Variants in ROCK1 observed in about 807,000 individuals in gnomAD.
ROCK1 encodes rho-associated protein kinase 1.
Under a neutral mutation model 196.8 loss-of-function variants are expected in ROCK1, and 36 were observed. The ratio of observed to expected loss-of-function variants is 0.18; its 90% confidence interval spans 0.14 to 0.24. ROCK1 has a LOEUF of 0.24. Ranked by LOEUF, ROCK1 falls within the 10% of genes least tolerant of loss-of-function variation. The pLI is 1.00. For synonymous variants in ROCK1, 443 were observed against 515.9 expected, an observed-to-expected ratio of 0.86 and a Z score of 1.91; for missense variants, 920 against 1,562.0, an observed-to-expected ratio of 0.59 and a Z score of 6.93.
chr18:20,980,023 G>C lies in ROCK1; in HGVS notation c.2560-19C>G, dbSNP rs112005764. On this transcript the variant is annotated intron_variant, in intron 21 of 32. Coordinates refer to ENST00000399799, the MANE Select transcript of ROCK1 (RefSeq NM_005406.3). The stretch of plus-strand genomic sequence containing the variant: ...AAAGTGTCTGCAAAACAAGTGACAA[G>C]GAGAAATAAGTGTTTATGGTGGGTT... The C allele has an allele frequency of 3.2e-4, 484 of 1,518,462 alleles. 1 individual carries two copies. In the African/African-American group the frequency reaches 6.2e-3, roughly 20 times the overall value. The allele number at this position is 1,518,462 out of a possible 1,614,324, so 94.1% of individuals were successfully genotyped here.
Position 21,042,552 on chromosome 18 carries a change from C to A in ROCK1, c.820+13G>T, listed in dbSNP as rs372649277. On this transcript the variant is annotated intron_variant, in intron 7 of 32. Coordinates refer to ENST00000399799, the MANE Select transcript of ROCK1 (RefSeq NM_005406.3). ...CAACTGTAATAGAGAGACATAAAAT[C>A]TTCCTTACTCACCTACAAGCATTTC... is the stretch of plus-strand genomic sequence containing the variant. 6.2e-6 allele frequency: 10 copies of A among 1,612,318 alleles called. No homozygotes were observed. The African/African-American group carries it at 1.3e-4, about 22-fold the overall frequency.
Position 20,959,131 on chromosome 18 carries a change from T to TATATAATATATATA in ROCK1, c.3512+708_3512+709insTATATATATTATAT, listed in dbSNP as rs2035296252. ...TATATATATTATATAATATATATAT[T>TATATAATATATATA]ATATATATTATATAAAATATATATA... On this transcript the variant is annotated intron_variant, in intron 29 of 32. Transcript: ENST00000399799. 6.0e-5 allele frequency among the ~76,000 whole-genome samples: 3 copies of TATATAATATATATA among 50,186 alleles called. No individual in the cohort carries two copies. The Admixed American group carries it at 1.2e-3, about 20-fold the overall frequency. 32.9% of individuals were successfully genotyped at this position (50,186 alleles called of 152,430 possible).
intron 2 of ROCK1, among the ~76,000 whole-genome samples, chr18:21,056,215 T>C (rs1212243682): frequency 1.3e-5 from 2 of 152,202 alleles, no homozygotes; most frequent in African/African-American, 4.8e-5. Flanking sequence ...AACTTCCAAA[T>C]TTTTATCTCT....
chr18:20,986,269 CT>C (rs754163676), intron 19 of ROCK1, among the ~76,000 whole-genome samples: 20 of 152,150 alleles, frequency 1.3e-4, no homozygotes, highest in Non-Finnish European at 1.2e-4. Flanking sequence ...TATCAAGTTC[CT>C]TTTTATGCCT....
Position 20,966,958 on chromosome 18 carries a change from G to C in ROCK1, c.3311C>G (p.Ala1104Gly). The C allele has an allele frequency of 6.2e-7, 1 of 1,613,626 alleles. No individual in the cohort carries two copies. ...AGTTTCATCAGCACTAGGAAAACTA[G>C]CAACACTTGTAGAATCCGAGAGGTC... ...LLDLSDSTSV[A>G]SFPSADETDG... The change falls in exon 27 of 33, where the codon GCT becomes GGT. Residue 1104 changes from alanine to glycine, a missense_variant. By Grantham distance (60) the Ala-to-Gly change is moderately conservative (BLOSUM62 0). This residue lies in a region of ROCK1 where 116 missense variants were observed against 204.2 expected (regional missense o/e 0.57). Coordinates refer to ENST00000399799, the MANE Select transcript of ROCK1 (RefSeq NM_005406.3).
intron 4 of ROCK1, 79 bp downstream of exon 4, chr18:21,049,013 C>T: frequency 7.6e-7 from 1 of 1,312,786 alleles, no homozygotes; most frequent in Non-Finnish European, 1.0e-6. Context: ...TACTACTATT[C>T]TAAAACACAA....
At chr18:21,101,093 A>C (rs1199122787) in intron 1 of ROCK1, among the ~76,000 whole-genome samples, 2 of 152,230 alleles carry the variant, frequency 1.3e-5, no homozygotes, top group African/African-American at 2.4e-5. Context: ...GAAAAGATTG[A>C]AGTATTCATC....
chr18:20,978,208 A>G (rs1315513702), intron 22 of ROCK1, among the ~76,000 whole-genome samples: 1 of 152,070 alleles, frequency 6.6e-6, no homozygotes, highest in East Asian at 1.9e-4. Flanking sequence ...TTCCAACAAA[A>G]AAAAAAAAAA....
intron 9 of ROCK1, among the ~76,000 whole-genome samples, chr18:21,033,983 G>A (rs373584383): frequency 9.3e-5 from 13 of 140,390 alleles, no homozygotes; most frequent in South Asian, 2.3e-4. Flanking sequence ...GCCGTGAGCC[G>A]AGATCGAGCC....
At chr18:21,006,309 T>C in intron 16 of ROCK1, 42 bp downstream of exon 16, 2 of 1,481,384 alleles carry the variant, frequency 1.4e-6, no homozygotes, top group East Asian at 2.3e-5. Flanking sequence ...TATAATAAAT[T>C]TCATGTTACG....
At chr18:21,066,376 A>G (rs1427528406) in intron 2 of ROCK1, among the ~76,000 whole-genome samples, 4 of 152,056 alleles carry the variant, frequency 2.6e-5, no homozygotes, top group Admixed American at 1.3e-4. Context: ...CATAGAAGTA[A>G]TTTTTTTTCT....
At chr18:20,959,153 T>TATATTATATATTATATAATATATATA (rs1555743180) in intron 29 of ROCK1, among the ~76,000 whole-genome samples, 7 of 70,470 alleles carry the variant, frequency 9.9e-5, no homozygotes, top group East Asian at 4.0e-4. Context: ...ATAAAATATA[T>TATATTATATATTATATAATATATATA]ATATTATATA....
chr18:20,979,333 T>C (rs1255304383), intron 22 of ROCK1, among the ~76,000 whole-genome samples: 1 of 152,146 alleles, frequency 6.6e-6, no homozygotes, highest in Non-Finnish European at 1.5e-5. Context: ...TCTTTTAAAA[T>C]TGATACTAGC....
chr18:21,071,676 A>G (rs2036387052), intron 1 of ROCK1, among the ~76,000 whole-genome samples: 1 of 152,174 alleles, frequency 6.6e-6, no homozygotes. Flanking sequence ...TGTTTGTATA[A>G]TTGAATAGCA....
At chr18:21,031,628 A>T (rs1224530874) in intron 9 of ROCK1, among the ~76,000 whole-genome samples, 2 of 149,956 alleles carry the variant, frequency 1.3e-5, no homozygotes, top group African/African-American at 4.9e-5. Flanking sequence ...AAAAAAAAGA[A>T]AATAATATAG....
intron 9 of ROCK1, among the ~76,000 whole-genome samples, chr18:21,029,823 GA>G (rs1466851283): frequency 2.0e-5 from 3 of 151,974 alleles, no homozygotes; most frequent in Admixed American, 6.6e-5. Context: ...AAAATTTTAA[GA>G]AAATTTATTT....
rs1190495038 is a variant in ROCK1 at position 20,949,086 on chromosome 18, T to C, written c.*2298A>G. On this transcript the variant is annotated 3_prime_UTR_variant, in exon 33 of 33. Transcript: ENST00000399799. Reference sequence around the variant, plus strand: ...TTGACCCAGTTCTGTAATGTGGCATTGGGAGTGATTCCTCAAAGCTCTCTC... The same window carrying C: ...TTGACCCAGTTCTGTAATGTGGCATCGGGAGTGATTCCTCAAAGCTCTCTC... The C allele has an allele frequency of 6.6e-6, 1 of 152,270 alleles. No homozygotes were observed. The highest frequency in any genetic ancestry group is 2.4e-5 in the African/African-American group (1 of 41,440). 9.4% of individuals were successfully genotyped at this position (152,270 alleles called of 1,614,324 possible). A position where few individuals can be genotyped will look rare whatever the true frequency, so the allele number is the denominator to read the frequency against.
chr18:20,974,954 C>T (rs1342883096), intron 22 of ROCK1, among the ~76,000 whole-genome samples: 2 of 152,198 alleles, frequency 1.3e-5, no homozygotes, highest in Non-Finnish European at 2.9e-5. Context: ...CTTGCCATAA[C>T]AGCCAAGTCT....
intron 1 of ROCK1, among the ~76,000 whole-genome samples, chr18:21,091,431 C>T (rs1317685911): frequency 1.3e-5 from 2 of 151,802 alleles, no homozygotes; most frequent in African/African-American, 2.4e-5. Flanking sequence ...GGTGAAACCC[C>T]GTCTCTACTA....
Sources: allele counts gnomAD v4.1 joint callset (sites outside exome capture counted in the v4.1 genomes callset), GRCh38; gene constraint gnomAD v4.1.1; regional missense constraint gnomAD v4.1.1; transcripts MANE v1.5; gene names NCBI Gene and HGNC (gene_info 2026-07-23, HGNC 2026-07-21).